The following USO1 variants were observed in gnomAD, a reference collection of about 807,000 sequenced individuals.
USO1 encodes USO1 vesicle transport factor.
USO1 carries 57 observed loss-of-function variants against 124.5 expected under a neutral mutation model. That is an observed-to-expected ratio of 0.46 (90% CI 0.37 to 0.57). The LOEUF is 0.57. Ranked by LOEUF, USO1 falls within the 20% of genes least tolerant of loss-of-function variation. The probability of loss-of-function intolerance (pLI) is 0.00; values close to 1 mark genes in which losing one functional copy is unlikely to be tolerated. For missense variants in USO1, 900 were observed against 1,040.6 expected (o/e 0.86, Z 1.86); for synonymous variants, 369 against 362.8 (o/e 1.02, Z -0.19).
intron 1 of USO1, among the ~76,000 whole-genome samples, chr4:75,732,429 C>T (rs1201448614): frequency 8.5e-5 from 13 of 152,296 alleles, no homozygotes; most frequent in Non-Finnish European, 1.6e-4. Context: ...CCTAGGTTGA[C>T]TCCACATCTT....
chr4:75,782,896 G>C, intron 9 of USO1, 38 bp downstream of exon 9: 1 of 1,522,718 alleles, frequency 6.6e-7, no homozygotes, highest in East Asian at 2.5e-5. Flanking sequence ...TAAGAATTTT[G>C]ACAGTGATCT....
chr4:75,763,156 T>A (rs1363342036), intron 4 of USO1, among the ~76,000 whole-genome samples: 1 of 152,188 alleles, frequency 6.6e-6, no homozygotes, highest in Non-Finnish European at 1.5e-5. Context: ...CTGGAAAAAG[T>A]ACTACTAGAA....
rs371612415 is a variant in USO1 at position 75,801,220 on chromosome 4, A to G, written c.1986+20A>G. On this transcript the variant is annotated intron_variant, in intron 17 of 23. Transcript: ENST00000514213. ...GAGCAGGTAAGTACTAATGAACTGT[A>G]TATACCCTCTGATTACCAATAGGCA... 13 of 1,544,954 alleles carry G rather than the reference A, an allele frequency of 8.4e-6. No individual in the cohort carries two copies. The highest frequency in any genetic ancestry group is 9.6e-6 in the Non-Finnish European group (11 of 1,151,764).
chr4:75,813,274 C>G lies in USO1; in HGVS notation c.2868C>G (p.Gly956=). 1.2e-6 allele frequency: 2 copies of G among 1,610,566 alleles called. No homozygotes were observed. The highest frequency in any genetic ancestry group is 1.7e-6 in the Non-Finnish European group (2 of 1,178,790). ...AGGATGATGAAAGTGAAGATCCTGGCAAGGATCTAGATCATATCTAGTTTT... is the reference window on the plus strand; with the variant it reads ...AGGATGATGAAAGTGAAGATCCTGGGAAGGATCTAGATCATATCTAGTTTT... The part of the protein sequence containing the change: ...EDEDDESEDP[G]KDLDHI Residue 956 remains glycine (G), a synonymous_variant, in exon 24 of 24, where the codon GGC becomes GGG. Coordinates refer to ENST00000514213, the MANE Select transcript of USO1 (RefSeq NM_003715.4).
At chr4:75,792,630 G>A (rs551494588) in intron 12 of USO1, among the ~76,000 whole-genome samples, 5 of 152,174 alleles carry the variant, frequency 3.3e-5, no homozygotes, top group South Asian at 2.1e-4. Context: ...CTGGGAGGTC[G>A]AGGCTGCAGT....
At chr4:75,769,738 ATC>A (rs887387650) in intron 4 of USO1, among the ~76,000 whole-genome samples, 2 of 118,938 alleles carry the variant, frequency 1.7e-5, no homozygotes, top group Non-Finnish European at 3.6e-5. Flanking sequence ...ATTTTTAGTG[ATC>A]TTTTTTTTTT....
chr4:75,800,091 G>C (rs929643503), intron 14 of USO1, among the ~76,000 whole-genome samples: 8 of 151,932 alleles, frequency 5.3e-5, no homozygotes, highest in African/African-American at 1.9e-4. Context: ...AGGATTACAG[G>C]TGTGCGCAAC....
intron 1 of USO1, among the ~76,000 whole-genome samples, chr4:75,730,800 C>T (rs1366160854): frequency 6.6e-6 from 1 of 151,842 alleles, no homozygotes; most frequent in Non-Finnish European, 1.5e-5. Context: ...AAGTTATTCA[C>T]CATTAATTTG....
intron 1 of USO1, among the ~76,000 whole-genome samples, chr4:75,741,714 C>T (rs1720966996): frequency 6.6e-6 from 1 of 151,134 alleles, no homozygotes; most frequent in African/African-American, 2.4e-5. Flanking sequence ...AAGTAATTCT[C>T]CCGCCTCAGC....
At chr4:75,749,934 T>C (rs1284470471) in intron 1 of USO1, among the ~76,000 whole-genome samples, 3 of 152,026 alleles carry the variant, frequency 2.0e-5, no homozygotes, top group African/African-American at 7.2e-5. Context: ...ATTGCATTTT[T>C]AGTAGAGACA....
intron 1 of USO1, among the ~76,000 whole-genome samples, chr4:75,734,072 A>G (rs553820601): frequency 2.0e-4 from 30 of 150,990 alleles, no homozygotes; most frequent in Non-Finnish European, 3.2e-4. Flanking sequence ...CAGCCTCCCA[A>G]GTAGCTGGGA....
chr4:75,775,157 A>T (rs977264716), intron 8 of USO1, among the ~76,000 whole-genome samples: 1 of 152,226 alleles, frequency 6.6e-6, no homozygotes, highest in Non-Finnish European at 1.5e-5. Flanking sequence ...GGGAGGACAC[A>T]ATTGAGAATT....
rs773955835 is a variant in USO1 at position 75,782,695 on chromosome 4, ATTGT to A, written c.696_699del (p.Cys232Ter). ...ATTTCCCCAGGTATAGTAGTTGAAG[ATTGT>A]TTGATTTTGCTCCAAAACTTATTAA... On this transcript the variant is annotated frameshift_variant, in exon 9 of 24. Transcript: ENST00000514213. LOFTEE classifies it high-confidence loss of function. 1.9e-6 allele frequency: 3 copies of A among 1,564,948 alleles called. No individual in the cohort carries two copies. Among genetic ancestry groups the A allele is most frequent in the South Asian group, 1.2e-5 (1 of 84,820 alleles).
intron 13 of USO1, chr4:75,795,245 G>A (rs2149184989): frequency 2.9e-6 from 2 of 690,968 alleles, no homozygotes. Context: ...TTTGTAGAGA[G>A]ACTATGAAAA....
chr4:75,740,257 C>T (rs568078666), intron 1 of USO1, among the ~76,000 whole-genome samples: 11 of 152,224 alleles, frequency 7.2e-5, no homozygotes, highest in Non-Finnish European at 7.4e-5. Flanking sequence ...CAGAGGCTTG[C>T]GGGAAACTAA....
chr4:75,779,185 T>C (rs913451276), intron 8 of USO1, among the ~76,000 whole-genome samples: 5 of 152,136 alleles, frequency 3.3e-5, no homozygotes, highest in Admixed American at 6.6e-5. Context: ...CCTCTCTCTC[T>C]CCCACTCTGT....
At chr4:75,746,112 G>T (rs1249265799) in intron 1 of USO1, among the ~76,000 whole-genome samples, 1 of 152,004 alleles carries the variant, frequency 6.6e-6, no homozygotes, top group Non-Finnish European at 1.5e-5. Context: ...ATCTTATTCT[G>T]CCATCTTCCT....
Position 75,739,338 on chromosome 4 carries a change from C to A in USO1, c.67-13035C>A, listed in dbSNP as rs143114751. Among the ~76,000 whole-genome samples, 1,519 of 152,140 alleles carry A rather than the reference C, an allele frequency of 1.0e-2. 11 individuals carry two copies. Among genetic ancestry groups the A allele is most frequent in the Non-Finnish European group, 0.015 (1,027 of 67,998 alleles). ...CTCACTAAAATATATTTGTATCGCA[C>A]AAATCAGTACTTTGAGCACTTTATG... On this transcript the variant is annotated intron_variant, in intron 1 of 23. Transcript: ENST00000514213.
At chr4:75,794,160 T>G (rs1722610667) in intron 13 of USO1, among the ~76,000 whole-genome samples, 1 of 152,226 alleles carries the variant, frequency 6.6e-6, no homozygotes, top group Non-Finnish European at 1.5e-5. Flanking sequence ...GGTTTTGTCT[T>G]GTTTTTAAAT....
Sources: allele counts gnomAD v4.1 joint callset (sites outside exome capture counted in the v4.1 genomes callset), GRCh38; gene constraint gnomAD v4.1.1; transcripts MANE v1.5; gene names NCBI Gene and HGNC (gene_info 2026-07-23, HGNC 2026-07-21).